Variants in HSD17B4 observed in about 807,000 individuals in gnomAD.
HSD17B4 encodes the protein hydroxysteroid 17-beta dehydrogenase 4.
A neutral mutation model predicts 101.0 loss-of-function variants in HSD17B4; 70 were observed. That is an observed-to-expected ratio of 0.69 (90% CI 0.57 to 0.85). The LOEUF is 0.85. Among genes scored for constraint, HSD17B4 ranks in the 40% least tolerant of loss-of-function variants. The pLI, the probability that HSD17B4 is intolerant of heterozygous loss-of-function variation, is 0.00. For synonymous variants in HSD17B4, 347 were observed against 297.1 expected (o/e 1.17, Z -1.73); for missense variants, 984 against 892.4 (o/e 1.10, Z -1.31).
chr5:119,506,623 A>G (rs975469503), intron 14 of HSD17B4, among the ~76,000 whole-genome samples, 195 bp from the exon 15 acceptor site: 1 of 152,106 alleles, frequency 6.6e-6, no homozygotes, highest in Non-Finnish European at 1.5e-5. Context: ...ACTAATTTAC[A>G]CTCCCACCAA....
chr5:119,468,641 G>T (rs62373968), intron 2 of HSD17B4, among the ~76,000 whole-genome samples: 2,480 of 152,244 alleles, frequency 0.016, 37 homozygotes, highest in Non-Finnish European at 0.028. Flanking sequence ...GAGTGTCCTG[G>T]ATATGGATGT....
intron 8 of HSD17B4, chr5:119,487,170 A>G (rs569083106): frequency 1.3e-5 from 2 of 149,724 alleles, no homozygotes; most frequent in African/African-American, 2.4e-5. Context: ...AGGTATCAGT[A>G]TTGTTATTTG....
At chr5:119,487,027 T>A (rs1461039879) in intron 8 of HSD17B4, among the ~76,000 whole-genome samples, 1 of 152,142 alleles carries the variant, frequency 6.6e-6, no homozygotes, top group Non-Finnish European at 1.5e-5. Context: ...AGAGGATCTG[T>A]CTTTGCTACT....
intron 17 of HSD17B4, among the ~76,000 whole-genome samples, chr5:119,515,662 G>A (rs1752544263): frequency 6.6e-6 from 1 of 152,178 alleles, no homozygotes; most frequent in Non-Finnish European, 1.5e-5. Context: ...AGTGAGAAAA[G>A]CAAGTTTATT....
intron 20 of HSD17B4, among the ~76,000 whole-genome samples, chr5:119,528,298 T>G (rs1753777778): frequency 6.6e-6 from 1 of 152,194 alleles, no homozygotes; most frequent in Non-Finnish European, 1.5e-5. Context: ...GTATCATGTT[T>G]TCTTTCACAA....
chr5:119,500,823 A>C (rs1025487739), intron 13 of HSD17B4, among the ~76,000 whole-genome samples: 2 of 152,114 alleles, frequency 1.3e-5, no homozygotes, highest in African/African-American at 4.8e-5. Context: ...GTGTGTCAAG[A>C]AGGAGGAGGG....
rs751930586 is a variant in HSD17B4 at position 119,506,821 on chromosome 5, A to G, written c.1265A>G (p.Lys422Arg). Residue 422 changes from lysine (K) to arginine (R), a missense_variant, in exon 15 of 24, where the codon AAA becomes AGA. Transcript: ENST00000510025. ...ELYKPLPRAG[K>R]LKCEAVVADV... is the part of the protein sequence containing the mutation. ...TTTCTTTTACTTTTCTTTCTAGGAA[A>G]ATTAAAATGTGAAGCAGTTGTTGCT... is the stretch of plus-strand genomic sequence containing the variant. 2 of 1,563,536 alleles carry G rather than the reference A, an allele frequency of 1.3e-6. No homozygotes were observed. Among genetic ancestry groups the G allele is most frequent in the Non-Finnish European group, 1.8e-6 (2 of 1,135,272 alleles).
chr5:119,540,562 C>G (rs1260260110), intron 23 of HSD17B4, among the ~76,000 whole-genome samples: 1 of 152,192 alleles, frequency 6.6e-6, no homozygotes, highest in Non-Finnish European at 1.5e-5. Flanking sequence ...TCCTTCCCTG[C>G]ATGAGTTGCA....
intron 2 of HSD17B4, among the ~76,000 whole-genome samples, chr5:119,461,244 A>G (rs1755202564): frequency 6.6e-6 from 1 of 152,224 alleles, no homozygotes; most frequent in African/African-American, 2.4e-5. Flanking sequence ...TTTATAAATA[A>G]AGGACATTTA....
intron 13 of HSD17B4, among the ~76,000 whole-genome samples, chr5:119,501,055 A>C (rs1489374398): frequency 1.3e-5 from 2 of 152,130 alleles, no homozygotes; most frequent in Non-Finnish European, 2.9e-5. Flanking sequence ...TGGGAGGAAG[A>C]CAAGAAATAT....
chr5:119,457,363 A>G (rs941945832), intron 2 of HSD17B4, among the ~76,000 whole-genome samples: 25 of 152,256 alleles, frequency 1.6e-4, no homozygotes, highest in Admixed American at 1.6e-3. Flanking sequence ...CACATATAAC[A>G]AAAGAGTAAG....
At chr5:119,471,324 C>T (rs1435188927) in intron 2 of HSD17B4, among the ~76,000 whole-genome samples, 2 of 151,924 alleles carry the variant, frequency 1.3e-5, no homozygotes, top group African/African-American at 4.8e-5. Flanking sequence ...TTTTTATTTT[C>T]AGTAAGACTT....
intron 2 of HSD17B4, among the ~76,000 whole-genome samples, chr5:119,461,343 T>C (rs1318225813): frequency 6.6e-6 from 1 of 152,114 alleles, no homozygotes; most frequent in Non-Finnish European, 1.5e-5. Flanking sequence ...AAATAAAATA[T>C]TACTTTACTA....
At chr5:119,477,334 A>G (rs1478486188) in intron 6 of HSD17B4, 83 bp from the exon 7 acceptor site, 1 of 941,248 alleles carries the variant, frequency 1.1e-6, no homozygotes, top group Non-Finnish European at 1.7e-6. Context: ...ACATCTTTGT[A>G]TAAATACAAC....
chr5:119,474,374 T>A, intron 3 of HSD17B4, 27 bp from the exon 4 acceptor site: 1 of 1,546,852 alleles, frequency 6.5e-7, no homozygotes, highest in Non-Finnish European at 8.9e-7. Context: ...GTTGCCGAAA[T>A]TTCATACAAA....
intron 2 of HSD17B4, among the ~76,000 whole-genome samples, chr5:119,464,201 A>G (rs1755576626): frequency 6.6e-6 from 1 of 151,834 alleles, no homozygotes; most frequent in Admixed American, 6.6e-5. Context: ...ATCTAGTCCC[A>G]TTTGTTTATT....
At chr5:119,505,685 T>C (rs1457710063) in intron 14 of HSD17B4, among the ~76,000 whole-genome samples, 4 of 152,192 alleles carry the variant, frequency 2.6e-5, no homozygotes, top group African/African-American at 4.8e-5. Flanking sequence ...AATGATATCA[T>C]TGGTGAAGAG....
chr5:119,509,604 T>G, intron 16 of HSD17B4: 2 of 370,136 alleles, frequency 5.4e-6, no homozygotes, highest in South Asian at 4.5e-5. Flanking sequence ...TTTGTGCCTT[T>G]CTTCCTATGT....
intron 12 of HSD17B4, among the ~76,000 whole-genome samples, chr5:119,496,882 A>G (rs1188910989): frequency 2.0e-5 from 3 of 152,234 alleles, no homozygotes; most frequent in African/African-American, 4.8e-5. Flanking sequence ...CATACAGAGT[A>G]TTCAGGACAG....
Sources: gnomAD v4.1 joint callset for allele counts (sites outside exome capture counted in the v4.1 genomes callset) on GRCh38, gnomAD v4.1.1 for gene constraint, MANE v1.5 for transcripts, NCBI Gene and HGNC (gene_info 2026-07-23, HGNC 2026-07-21) for gene names.